Variants in KIAA0825 observed in about 807,000 individuals in gnomAD.
KIAA0825 encodes the protein KIAA0825.
Under a neutral mutation model 147.6 loss-of-function variants are expected in KIAA0825, and 119 were observed. The observed-to-expected ratio is 0.81, with a 90% CI of 0.69 to 0.94. The LOEUF (loss-of-function observed/expected upper bound fraction) is 0.94. Among genes scored for constraint, KIAA0825 ranks in the 40% least tolerant of loss-of-function variants. KIAA0825 has a pLI of 0.00. For synonymous variants in KIAA0825, 470 were observed against 518.1 expected (o/e 0.91, Z 1.26); for missense variants, 1,381 against 1,472.7 (o/e 0.94, Z 1.02).
intron 17 of KIAA0825, among the ~76,000 whole-genome samples, chr5:94,395,442 C>G (rs774823896): frequency 2.0e-4 from 31 of 152,240 alleles, no homozygotes; most frequent in Non-Finnish European, 4.3e-4. Context: ...AATTCTATAC[C>G]TGAAGACTAA....
chr5:94,556,431 T>C (rs774085187), intron 2 of KIAA0825, among the ~76,000 whole-genome samples: 5 of 152,182 alleles, frequency 3.3e-5, no homozygotes, highest in Non-Finnish European at 7.4e-5. Context: ...ATAACAATGA[T>C]TTGAACTTAG....
chr5:94,152,855 ATTATATATAT>A lies in KIAA0825; in HGVS notation c.*1142_*1151del, dbSNP rs1347973049. The A allele has an allele frequency of 1.3e-3, 7 of 5,600 alleles. 1 individual carries two copies. The highest frequency in any genetic ancestry group is 6.8e-3 in the Admixed American group (2 of 296). The allele number at this position is 5,600 out of a possible 1,614,324, so 0.3% of individuals were successfully genotyped here. On this transcript the variant is annotated 3_prime_UTR_variant, in exon 21 of 21. Coordinates refer to ENST00000682413, the MANE Select transcript of KIAA0825 (RefSeq NM_001145678.3). ...AAAAAAAAAAAAAAAAAAAAAAAAA[ATTATATATAT>A]ATATATATATATATATATATATATA...
intron 12 of KIAA0825, among the ~76,000 whole-genome samples, chr5:94,457,556 A>AG (rs1414424086): frequency 4.6e-5 from 7 of 152,130 alleles, no homozygotes; most frequent in Non-Finnish European, 8.8e-5. Flanking sequence ...TTAGCATCGT[A>AG]GGGCCTCTGT....
intron 15 of KIAA0825, among the ~76,000 whole-genome samples, chr5:94,406,469 G>A (rs575380014): frequency 1.3e-5 from 2 of 152,120 alleles, no homozygotes; most frequent in Non-Finnish European, 2.9e-5. Flanking sequence ...TTTTAATGAA[G>A]GCATTGGCCT....
intron 20 of KIAA0825, among the ~76,000 whole-genome samples, chr5:94,268,823 A>T (rs1776854507): frequency 6.6e-6 from 1 of 152,116 alleles, no homozygotes; most frequent in South Asian, 2.1e-4. Flanking sequence ...TATGGAATAG[A>T]TGTTTTCAAC....
chr5:94,317,146 T>A (rs1779731595), intron 20 of KIAA0825, among the ~76,000 whole-genome samples: 1 of 151,822 alleles, frequency 6.6e-6, no homozygotes, highest in South Asian at 2.1e-4. Context: ...CCAGGTGGTT[T>A]CCTTCCCACC....
At chr5:94,547,188 T>G (rs1158955089) in intron 2 of KIAA0825, among the ~76,000 whole-genome samples, 1 of 151,092 alleles carries the variant, frequency 6.6e-6, no homozygotes, top group Admixed American at 6.6e-5. Context: ...GAAAAAAGAA[T>G]AAAAAATAAT....
chr5:94,590,966 G>A (rs73132693), intron 1 of KIAA0825, among the ~76,000 whole-genome samples: 11,613 of 152,156 alleles, frequency 0.076, 489 homozygotes, highest in South Asian at 0.11. Context: ...GGACTAAAAA[G>A]CAAGTACACA....
In KIAA0825 at chr5:94,277,742, A is replaced by G. The variant is rs189227149; in HGVS notation, c.3710+106626T>C. On this transcript the variant is annotated intron_variant, in intron 20 of 20. Transcript: ENST00000682413. The stretch of plus-strand genomic sequence containing the variant: ...GGATCTAGAACCAGAAATACCATTC[A>G]ACCCACCAATCCCATTACTGGGTAT... Among the ~76,000 whole-genome samples the G allele has an allele frequency of 1.4e-3, 211 of 152,290 alleles. 2 individuals carry two copies. The highest frequency in any genetic ancestry group is 4.4e-3 in the African/African-American group (184 of 41,574).
At chr5:94,488,328 G>T (rs1763309835) in intron 5 of KIAA0825, among the ~76,000 whole-genome samples, 1 of 152,042 alleles carries the variant, frequency 6.6e-6, no homozygotes. Context: ...TTACACACAG[G>T]CAACTCTGTC....
chr5:94,502,212 A>G (rs559545227), intron 5 of KIAA0825, among the ~76,000 whole-genome samples: 2 of 152,298 alleles, frequency 1.3e-5, no homozygotes, highest in Non-Finnish European at 2.9e-5. Context: ...ACATACATAC[A>G]CACATGAATT....
chr5:94,262,478 G>C (rs946060668), intron 20 of KIAA0825, among the ~76,000 whole-genome samples: 2 of 152,014 alleles, frequency 1.3e-5, no homozygotes, highest in Admixed American at 1.3e-4. Flanking sequence ...CCTACACAAA[G>C]ATAAACAAAT....
chr5:94,269,273 T>G (rs1394506961), intron 20 of KIAA0825, among the ~76,000 whole-genome samples: 2 of 151,970 alleles, frequency 1.3e-5, no homozygotes, highest in Non-Finnish European at 2.9e-5. Context: ...ATACAACAGA[T>G]ACACAGAAAA....
At chr5:94,410,661 T>G (rs923050626) in intron 15 of KIAA0825, among the ~76,000 whole-genome samples, 1 of 152,016 alleles carries the variant, frequency 6.6e-6, no homozygotes, top group African/African-American at 2.4e-5. Context: ...TTGTCAGAAA[T>G]AATGCAAGCC....
intron 20 of KIAA0825, among the ~76,000 whole-genome samples, chr5:94,192,228 T>C (rs1449910226): frequency 6.6e-6 from 1 of 152,210 alleles, no homozygotes; most frequent in Non-Finnish European, 1.5e-5. Context: ...CCCTATGAAG[T>C]TATTAGGACA....
chr5:94,538,905 A>G (rs970354887), intron 2 of KIAA0825, among the ~76,000 whole-genome samples: 6 of 152,208 alleles, frequency 3.9e-5, no homozygotes, highest in African/African-American at 1.4e-4. Context: ...AGTACATTAC[A>G]GCTACAGTGG....
intron 3 of KIAA0825, among the ~76,000 whole-genome samples, chr5:94,524,765 T>C (rs1200751199): frequency 6.6e-6 from 1 of 151,772 alleles, no homozygotes; most frequent in African/African-American, 2.4e-5. Context: ...CTTTTCCATA[T>C]TTTCTAAATA....
intron 1 of KIAA0825, among the ~76,000 whole-genome samples, chr5:94,585,753 C>T (rs142884322): frequency 0.02 from 3,100 of 152,244 alleles, 83 homozygotes; most frequent in African/African-American, 0.06. Context: ...CTCAGCACCA[C>T]GTCGCACTTT....
chr5:94,352,138 A>C (rs992543854), intron 20 of KIAA0825, among the ~76,000 whole-genome samples: 2 of 152,250 alleles, frequency 1.3e-5, no homozygotes, highest in African/African-American at 4.8e-5. Flanking sequence ...GACAACCCAC[A>C]GAGTGGGAGG....
Sources: allele counts gnomAD v4.1 joint callset (sites outside exome capture counted in the v4.1 genomes callset), GRCh38; gene constraint gnomAD v4.1.1; transcripts MANE v1.5; gene names NCBI Gene and HGNC (gene_info 2026-07-23, HGNC 2026-07-21).